The following MTHFSD variants were observed in gnomAD, a reference collection of about 807,000 sequenced individuals.
The protein encoded by MTHFSD is methenyltetrahydrofolate synthase domain-containing protein.
Under a neutral mutation model 31.1 loss-of-function variants are expected in MTHFSD, and 37 were observed. That is an observed-to-expected ratio of 1.19 (90% CI 0.91 to 1.56). The LOEUF (loss-of-function observed/expected upper bound fraction) is 1.56. Among genes scored for constraint, MTHFSD ranks in the 40% most tolerant of loss-of-function variants. The pLI is 0.00. For synonymous variants in MTHFSD, 221 were observed against 206.9 expected (o/e 1.07, Z -0.59); for missense variants, 664 against 510.1 (o/e 1.30, Z -2.91).
rs1025911110 is a variant in MTHFSD, at chr16:86,531,442, T to C, written c.*569A>G. Reference sequence around the variant, plus strand: ...AAGAGGGGAGGCTGGCTCCCCGAAATGTGACCTGAGGACTGATCTGAGCTG... The same window carrying C: ...AAGAGGGGAGGCTGGCTCCCCGAAACGTGACCTGAGGACTGATCTGAGCTG... On this transcript the variant is annotated 3_prime_UTR_variant, in exon 8 of 8. Coordinates refer to ENST00000360900, the MANE Select transcript of MTHFSD (RefSeq NM_001159377.2). This position sits in a 1 kb window ranked among gnomAD's most constrained non-coding sequence, Gnocchi z 5.5. 1 of 152,192 alleles carries C rather than the reference T, an allele frequency of 6.6e-6. No individual in the cohort carries two copies. Among genetic ancestry groups the C allele is most frequent in the Non-Finnish European group, 1.5e-5 (1 of 68,100 alleles). The allele number at this position is 152,192 out of a possible 1,614,324, so 9.4% of individuals were successfully genotyped here.
intron 7 of MTHFSD, chr16:86,541,468 G>A (rs916082063): frequency 1.5e-6 from 1 of 660,266 alleles, no homozygotes; most frequent in Admixed American, 3.0e-5. Context: ...ATCTACAGAG[G>A]CAGATTTTAA....
chr16:86,542,129 G>T lies in MTHFSD; in HGVS notation c.527C>A (p.Pro176Gln), dbSNP rs202028522. ...GCAGTCGTGGACGATGGTGACCACC[G>T]GCGTCTCCTTGCTGACGGCGCCCAT... ...VSMGAVSKET[P>Q]VVTIVHDCQV... Residue 176 changes from proline (P) to glutamine (Q), a missense_variant, in exon 6 of 8, where the codon CCG (proline) becomes CAG (glutamine). Transcript: ENST00000360900. The surrounding 1 kb of genome is among the most constrained non-coding windows in gnomAD (Gnocchi z 4.6). 2 of 1,613,666 alleles carry T rather than the reference G, an allele frequency of 1.2e-6. No homozygotes were observed. The highest frequency in any genetic ancestry group is 1.7e-6 in the Non-Finnish European group (2 of 1,179,982).
chr16:86,534,018 T>C (rs1459337454), intron 7 of MTHFSD, among the ~76,000 whole-genome samples: 3 of 152,224 alleles, frequency 2.0e-5, no homozygotes, highest in African/African-American at 7.2e-5. Flanking sequence ...TCAGAAGCCT[T>C]GGCAGGTAGC....
chr16:86,543,768 C>G (rs56157945), intron 5 of MTHFSD, among the ~76,000 whole-genome samples: 16,614 of 152,260 alleles, frequency 0.11, 962 homozygotes, highest in South Asian at 0.23. Flanking sequence ...AGTCCATGGC[C>G]TGTGAGGAAC....
chr16:86,544,747 A>G (rs1972028980), intron 5 of MTHFSD, among the ~76,000 whole-genome samples: 1 of 152,234 alleles, frequency 6.6e-6, no homozygotes, highest in African/African-American at 2.4e-5. Flanking sequence ...CTCTAAAGAC[A>G]CGTGCACATG....
chr16:86,552,397 T>G, intron 2 of MTHFSD: 2 of 948,432 alleles, frequency 2.1e-6, no homozygotes, highest in Non-Finnish European at 3.1e-6. Flanking sequence ...GCACTAACAG[T>G]CACCCAAAGA....
intron 5 of MTHFSD, among the ~76,000 whole-genome samples, chr16:86,544,063 C>T (rs1485214805): frequency 6.6e-6 from 1 of 152,176 alleles, no homozygotes; most frequent in East Asian, 1.9e-4. Flanking sequence ...CCCACTGATT[C>T]TTTATTATGA....
chr16:86,551,973 C>G (rs747309573), intron 3 of MTHFSD, 60 bp downstream of exon 3: 2 of 1,606,034 alleles, frequency 1.2e-6, no homozygotes, highest in African/African-American at 2.7e-5. Context: ...GACCAGCTAC[C>G]TGGAAAAGGT....
chr16:86,530,726 G>C lies in MTHFSD; in HGVS notation c.*1285C>G, dbSNP rs1050697075. 1.3e-5 allele frequency: 2 copies of C among 152,242 alleles called. No homozygotes were observed. Among genetic ancestry groups the C allele is most frequent in the African/African-American group, 4.8e-5 (2 of 41,452 alleles). The allele number at this position is 152,242 out of a possible 1,614,324, so 9.4% of individuals were successfully genotyped here. A position where few individuals can be genotyped will look rare whatever the true frequency, so the allele number is the denominator to read the frequency against. On this transcript the variant is annotated 3_prime_UTR_variant, in exon 8 of 8. Coordinates refer to ENST00000360900, the MANE Select transcript of MTHFSD (RefSeq NM_001159377.2). Reference sequence around the variant, plus strand: ...AGGTGACTACTCTGAACTGGGGACTGAGTCAGCCTCTGACGCTGAGCTGAA... The same window carrying C: ...AGGTGACTACTCTGAACTGGGGACTCAGTCAGCCTCTGACGCTGAGCTGAA...
At chr16:86,547,121 T>C in intron 4 of MTHFSD, 2 of 963,302 alleles carry the variant, frequency 2.1e-6, no homozygotes, top group Non-Finnish European at 2.5e-6. Context: ...CGTATGCATT[T>C]AGCACATAAG....
rs374452953 is a variant in MTHFSD at position 86,535,667 on chromosome 16, C to T, written c.682-3186G>A. On this transcript the variant is annotated intron_variant, in intron 7 of 7. Transcript: ENST00000360900. ...AGACATGCTAAGTCAAATACGAATC[C>T]GAAATCTGACTTTCAAGATTTCCGA... Among the ~76,000 whole-genome samples, 11 of 152,212 alleles carry T rather than the reference C, an allele frequency of 7.2e-5. 1 individual carries two copies. The highest frequency in any genetic ancestry group is 3.9e-4 in the East Asian group (2 of 5,186).
At chr16:86,548,643 AT>A in intron 3 of MTHFSD, 66 bp from the exon 4 acceptor site, 1 of 1,307,788 alleles carries the variant, frequency 7.6e-7, no homozygotes, top group Non-Finnish European at 1.1e-6. Flanking sequence ...TCTTATATGT[AT>A]TTTTACCATT....
intron 7 of MTHFSD, among the ~76,000 whole-genome samples, chr16:86,535,808 T>C (rs1970616384): frequency 6.6e-6 from 1 of 152,146 alleles, no homozygotes; most frequent in African/African-American, 2.4e-5. Context: ...TTGCATTACC[T>C]GACCTGAAGA....
Position 86,542,464 on chromosome 16 carries a change from G to T in MTHFSD, c.443-251C>A. The T allele has an allele frequency of 8.8e-6, 4 of 452,360 alleles. No individual in the cohort carries two copies. Among genetic ancestry groups the T allele is most frequent in the Admixed American group, 8.0e-5 (2 of 24,966 alleles). 28.0% of individuals were successfully genotyped at this position (452,360 alleles called of 1,614,324 possible). ...ACTACAATGACGTGAACACTGGACC[G>T]TTCAAGCATGTCACAAAGGGAAACA... On this transcript the variant is annotated intron_variant, in intron 5 of 7. Coordinates refer to ENST00000360900, the MANE Select transcript of MTHFSD (RefSeq NM_001159377.2). The surrounding 1 kb of genome is among the most constrained non-coding windows in gnomAD (Gnocchi z 4.6).
At chr16:86,554,137 G>A (rs1472517776) in intron 2 of MTHFSD, among the ~76,000 whole-genome samples, 2 of 152,094 alleles carry the variant, frequency 1.3e-5, no homozygotes, top group Non-Finnish European at 2.9e-5. Context: ...TCCACATTGT[G>A]GAAGGTTTGT....
chr16:86,531,965 G>T lies in MTHFSD; in HGVS notation c.*46C>A. 3.8e-6 allele frequency: 5 copies of T among 1,308,870 alleles called. No homozygotes were observed. The highest frequency in any genetic ancestry group is 4.0e-6 in the Non-Finnish European group (4 of 1,002,390). 81.1% of individuals were successfully genotyped at this position (1,308,870 alleles called of 1,614,324 possible). ...TGCCATCGGAACCGGAGCGGCAGGG[G>T]ACGGGGATGGCGAGTCTGCAGTGAG... On this transcript the variant is annotated 3_prime_UTR_variant, in exon 8 of 8. Coordinates refer to ENST00000360900, the MANE Select transcript of MTHFSD (RefSeq NM_001159377.2). This position sits in a 1 kb window ranked among gnomAD's most constrained non-coding sequence, Gnocchi z 5.5.
In MTHFSD at chr16:86,542,243, G is replaced by C. The variant is rs1971632369; in HGVS notation, c.443-30C>G. The C allele has an allele frequency of 2.5e-6, 4 of 1,581,726 alleles. No individual in the cohort carries two copies. Among genetic ancestry groups the C allele is most frequent in the Non-Finnish European group, 3.5e-6 (4 of 1,153,568 alleles). On this transcript the variant is annotated intron_variant, in intron 5 of 7. Coordinates refer to ENST00000360900, the MANE Select transcript of MTHFSD (RefSeq NM_001159377.2). The surrounding 1 kb of genome is among the most constrained non-coding windows in gnomAD (Gnocchi z 4.6). ...GAGACAACCGAGAATCAGTATCGCTGTGCGGTCCGGGGCATCGCTGAGAAG... is the reference window on the plus strand; with the variant it reads ...GAGACAACCGAGAATCAGTATCGCTCTGCGGTCCGGGGCATCGCTGAGAAG...
chr16:86,540,480 A>T (rs1034911560), intron 7 of MTHFSD, among the ~76,000 whole-genome samples: 3 of 152,204 alleles, frequency 2.0e-5, no homozygotes, highest in Non-Finnish European at 2.9e-5. Context: ...GCTCTCTGCC[A>T]GAGGAGGCTG....
rs1969975641 is a variant in MTHFSD at position 86,531,392 on chromosome 16, A to C, written c.*619T>G. The C allele has an allele frequency of 1.3e-5, 2 of 152,342 alleles. No individual in the cohort carries two copies. The highest frequency in any genetic ancestry group is 1.5e-5 in the Non-Finnish European group (1 of 68,170). The allele number at this position is 152,342 out of a possible 1,614,324, so 9.4% of individuals were successfully genotyped here. On this transcript the variant is annotated 3_prime_UTR_variant, in exon 8 of 8. Transcript: ENST00000360900. This position sits in a 1 kb window ranked among gnomAD's most constrained non-coding sequence, Gnocchi z 5.5. ...CTGAGGGCCCGGAGTGTGTCCACAG[A>C]GGGAGGAGCGGGGCTGGGGAGGGGA...
Sources: allele counts gnomAD v4.1 joint callset (sites outside exome capture counted in the v4.1 genomes callset), GRCh38; gene constraint gnomAD v4.1.1; non-coding constraint Gnocchi (gnomAD v3.1); transcripts MANE v1.5; gene names NCBI Gene and HGNC (gene_info 2026-07-23, HGNC 2026-07-21).